The following FHIT variants were observed in gnomAD, a reference collection of about 807,000 sequenced individuals.
The protein encoded by FHIT is fragile histidine triad diadenosine triphosphatase, also known as bis(5'-adenosyl)-triphosphatase.
In FHIT, 19 loss-of-function variants were observed where a neutral mutation model predicts 17.9. The ratio of observed to expected loss-of-function variants is 1.06; its 90% CI spans 0.74 to 1.56. The LOEUF (loss-of-function observed/expected upper bound fraction) is 1.56, where lower values mean the gene tolerates loss of function less well. Ranked by LOEUF, FHIT falls within the 40% of genes most tolerant of loss-of-function variation. The pLI is 0.00. For synonymous variants in FHIT, 81 were observed against 69.7 expected (o/e 1.16, Z -0.81); for missense variants, 248 against 189.2 (o/e 1.31, Z -1.82).
chr3:60,610,466 T>C (rs2107730911), intron 4 of FHIT, among the ~76,000 whole-genome samples: 1 of 152,272 alleles, frequency 6.6e-6, no homozygotes, highest in East Asian at 1.9e-4. Flanking sequence ...CCCCAGAGAA[T>C]GAAGCATACC....
At chr3:60,817,210 T>A (rs1701773855) in intron 4 of FHIT, among the ~76,000 whole-genome samples, 1 of 152,070 alleles carries the variant, frequency 6.6e-6, no homozygotes, top group Non-Finnish European at 1.5e-5. Context: ...ACATATTACA[T>A]TATAAACACC....
intron 7 of FHIT, among the ~76,000 whole-genome samples, chr3:59,957,682 T>G (rs1484176129): frequency 6.6e-6 from 1 of 152,218 alleles, no homozygotes; most frequent in Non-Finnish European, 1.5e-5. Context: ...CAGTGGCACT[T>G]ACAGTGCTTT....
intron 5 of FHIT, among the ~76,000 whole-genome samples, chr3:60,423,329 C>T (rs1702545011): frequency 1.3e-5 from 2 of 152,132 alleles, no homozygotes; most frequent in South Asian, 2.1e-4. Flanking sequence ...ATTCCTTTCA[C>T]AGTTGAACTT....
At chr3:61,138,162 C>A (rs1276542102) in intron 2 of FHIT, among the ~76,000 whole-genome samples, 1 of 152,186 alleles carries the variant, frequency 6.6e-6, no homozygotes, top group Non-Finnish European at 1.5e-5. Flanking sequence ...CCACTGCTCC[C>A]AAGTTTACAC....
intron 8 of FHIT, among the ~76,000 whole-genome samples, chr3:59,770,013 G>A (rs1475875581): frequency 6.6e-6 from 1 of 152,028 alleles, no homozygotes; most frequent in Non-Finnish European, 1.5e-5. Context: ...ATTTCAATTT[G>A]GGTTGATGAA....
intron 3 of FHIT, among the ~76,000 whole-genome samples, chr3:61,030,007 T>C (rs1371529939): frequency 6.6e-6 from 1 of 152,206 alleles, no homozygotes; most frequent in African/African-American, 2.4e-5. Context: ...ACTCACTCTG[T>C]GGCCCAGGCT....
intron 2 of FHIT, among the ~76,000 whole-genome samples, chr3:61,070,671 C>T (rs2034773968): frequency 6.6e-6 from 1 of 152,180 alleles, no homozygotes; most frequent in Non-Finnish European, 1.5e-5. Flanking sequence ...TTCTAATTGC[C>T]CCTTCCCAGG....
intron 8 of FHIT, among the ~76,000 whole-genome samples, chr3:59,786,933 C>T (rs183832226): frequency 6.6e-6 from 1 of 152,278 alleles, no homozygotes; most frequent in Admixed American, 6.5e-5. Flanking sequence ...CTGAAAATGA[C>T]ATCCACTTTC....
At chr3:60,738,677 C>T (rs553219632) in intron 4 of FHIT, among the ~76,000 whole-genome samples, 9 of 152,322 alleles carry the variant, frequency 5.9e-5, no homozygotes, top group Admixed American at 5.2e-4. Context: ...TCTTGCTCAT[C>T]TGACCAAGTG....
intron 5 of FHIT, among the ~76,000 whole-genome samples, chr3:60,513,488 C>A (rs2035025456): frequency 1.3e-5 from 2 of 152,086 alleles, no homozygotes; most frequent in South Asian, 4.1e-4. Context: ...AATAATTTTC[C>A]CCTACATAAA....
chr3:60,136,814 G>C (rs1252774540), intron 5 of FHIT, among the ~76,000 whole-genome samples: 1 of 152,130 alleles, frequency 6.6e-6, no homozygotes, highest in African/African-American at 2.4e-5. Context: ...TCCACAAAAG[G>C]AGTATCTTTT....
rs369405691 is a variant in FHIT, at chr3:60,131,058, C to T, written c.104-116906G>A. 3.5e-3 allele frequency among the ~76,000 whole-genome samples: 120 copies of T among 34,308 alleles called. 6 individuals are homozygous for T. Among genetic ancestry groups the T allele is most frequent in the African/African-American group, 0.016 (98 of 6,094 alleles). 22.5% of individuals were successfully genotyped at this position (34,308 alleles called of 152,430 possible). A position where few individuals can be genotyped will look rare whatever the true frequency, so the allele number is the denominator to read the frequency against. On this transcript the variant is annotated intron_variant, in intron 5 of 9. Coordinates refer to ENST00000492590, the MANE Select transcript of FHIT (RefSeq NM_002012.4). ...GTGTATATATACACATATATACATA[C>T]ATACACATGTATGTATGTATACACA...
At chr3:60,027,903 A>T (rs1403945894) in intron 5 of FHIT, among the ~76,000 whole-genome samples, 1 of 152,190 alleles carries the variant, frequency 6.6e-6, no homozygotes, top group Non-Finnish European at 1.5e-5. Context: ...ATATGTGGCT[A>T]CTGAGCACTT....
At chr3:60,613,584 C>A (rs949357253) in intron 4 of FHIT, among the ~76,000 whole-genome samples, 1 of 152,246 alleles carries the variant, frequency 6.6e-6, no homozygotes, top group Non-Finnish European at 1.5e-5. Flanking sequence ...CCCTTCCCTC[C>A]TTCCTATATG....
chr3:60,124,588 G>A (rs1705456120), intron 5 of FHIT, among the ~76,000 whole-genome samples: 1 of 152,096 alleles, frequency 6.6e-6, no homozygotes, highest in Non-Finnish European at 1.5e-5. Flanking sequence ...ATCAATATAA[G>A]TTGTTAGACT....
chr3:59,931,664 T>TG, intron 7 of FHIT, among the ~76,000 whole-genome samples: 1 of 151,348 alleles, frequency 6.6e-6, no homozygotes, highest in African/African-American at 2.4e-5. Context: ...AAAAATAAAA[T>TG]AAAAAAAAAT....
At chr3:60,177,403 G>T (rs191602265) in intron 5 of FHIT, among the ~76,000 whole-genome samples, 1 of 151,992 alleles carries the variant, frequency 6.6e-6, no homozygotes, top group Non-Finnish European at 1.5e-5. Flanking sequence ...CATTCACAAA[G>T]GTATTGGTAA....
intron 3 of FHIT, among the ~76,000 whole-genome samples, chr3:61,036,017 T>TA (rs1348276554): frequency 1.3e-5 from 2 of 152,206 alleles, no homozygotes; most frequent in Non-Finnish European, 2.9e-5. Context: ...AGGCCATTCT[T>TA]ACATTGCTAT....
At chr3:60,834,489 T>G (rs887724223) in intron 3 of FHIT, among the ~76,000 whole-genome samples, 2 of 140,660 alleles carry the variant, frequency 1.4e-5, no homozygotes, top group Non-Finnish European at 3.3e-5. Context: ...TTATATATTC[T>G]AAATACTAGT....
Sources: allele counts gnomAD v4.1 joint callset (sites outside exome capture counted in the v4.1 genomes callset), GRCh38; gene constraint gnomAD v4.1.1; transcripts MANE v1.5; gene names NCBI Gene and HGNC (gene_info 2026-07-23, HGNC 2026-07-21).